MTCL3: variants seen among roughly 807,000 people sequenced by gnomAD.
MTCL3 encodes the protein microtubule cross-linking factor 3.
chr6:127,475,425 C>A, the MTCL3 span: 2 of 1,613,252 alleles, frequency 1.2e-6, no homozygotes, highest in Non-Finnish European at 1.7e-6. This position sits in a 1 kb window ranked among gnomAD's most constrained non-coding sequence, Gnocchi z 7.3. Flanking sequence ...GCAGCTCGTG[C>A]TCCCGGATGC....
At chr6:127,500,008 C>T in the MTCL3 span, among the ~76,000 whole-genome samples, 4 of 152,226 alleles carry the variant, frequency 2.6e-5, no homozygotes, top group East Asian at 5.8e-4. Flanking sequence ...CTTCATTTCT[C>T]GGGGTGGTGA....
At chr6:127,476,477 GGGGAAAAGA>G in the MTCL3 span, 1 of 1,550,600 alleles carries the variant, frequency 6.4e-7, no homozygotes, top group Non-Finnish European at 8.7e-7. This position sits in a 1 kb window ranked among gnomAD's most constrained non-coding sequence, Gnocchi z 4.4. Flanking sequence ...TCCTCATTTG[GGGGAAAAGA>G]GGGAAAAGGA....
the MTCL3 span, chr6:127,473,204 C>T: frequency 4.4e-6 from 6 of 1,362,942 alleles, no homozygotes; most frequent in Non-Finnish European, 5.7e-6. Flanking sequence ...AATTATACTT[C>T]TTTTACTTCT....
At chr6:127,505,044 G>A in the MTCL3 span, among the ~76,000 whole-genome samples, 1 of 152,208 alleles carries the variant, frequency 6.6e-6, no homozygotes, top group African/African-American at 2.4e-5. Context: ...AATAGATGAT[G>A]AATTCTTTTG....
chr6:127,512,388 G>T, the MTCL3 span, among the ~76,000 whole-genome samples: 1 of 152,136 alleles, frequency 6.6e-6, no homozygotes, highest in Non-Finnish European at 1.5e-5. Flanking sequence ...AGTCACTGGT[G>T]ATATTGCAAG....
At chr6:127,482,182 T>C in the MTCL3 span, among the ~76,000 whole-genome samples, 1 of 152,222 alleles carries the variant, frequency 6.6e-6, no homozygotes, top group East Asian at 1.9e-4. The surrounding 1 kb of genome is among the most constrained non-coding windows in gnomAD (Gnocchi z 4.1). Context: ...GCTTTCACTT[T>C]ACTCTATGGG....
the MTCL3 span, chr6:127,475,955 G>T: frequency 6.2e-7 from 1 of 1,611,978 alleles, no homozygotes. The surrounding 1 kb of genome is among the most constrained non-coding windows in gnomAD (Gnocchi z 7.3). Context: ...TCGTGGTGCC[G>T]CGCGCTGTCG....
the MTCL3 span, among the ~76,000 whole-genome samples, chr6:127,490,513 T>C: frequency 1.5e-4 from 23 of 151,396 alleles, no homozygotes; most frequent in African/African-American, 5.6e-4. Flanking sequence ...GCATTCTAGA[T>C]GCCATTAAGA....
At chr6:127,484,450 A>G in the MTCL3 span, among the ~76,000 whole-genome samples, 1 of 152,188 alleles carries the variant, frequency 6.6e-6, no homozygotes, top group African/African-American at 2.4e-5. Flanking sequence ...TTAGGAAGTA[A>G]TCAACAAAAC....
chr6:127,515,205 T>TG, the MTCL3 span, among the ~76,000 whole-genome samples: 1 of 152,080 alleles, frequency 6.6e-6, no homozygotes, highest in South Asian at 2.1e-4. This position sits in a 1 kb window ranked among gnomAD's most constrained non-coding sequence, Gnocchi z 4.3. Flanking sequence ...AAGAGGAAAC[T>TG]GGGGGAAAAA....
At chr6:127,499,141 C>G in the MTCL3 span, among the ~76,000 whole-genome samples, 1 of 152,042 alleles carries the variant, frequency 6.6e-6, no homozygotes, top group African/African-American at 2.4e-5. Flanking sequence ...AAAAGATCCC[C>G]CAAATATTTC....
At chr6:127,516,499 G>A in the MTCL3 span, 1 of 1,599,282 alleles carries the variant, frequency 6.3e-7, no homozygotes, top group African/African-American at 1.3e-5. Flanking sequence ...GGGTGACTGA[G>A]CTCGCTGCTG....
chr6:127,476,075 G>C, the MTCL3 span: 1 of 1,613,664 alleles, frequency 6.2e-7, no homozygotes, highest in African/African-American at 1.3e-5. This position sits in a 1 kb window ranked among gnomAD's most constrained non-coding sequence, Gnocchi z 4.4. Flanking sequence ...TCTTCCACCA[G>C]CTGCAGGTGC....
the MTCL3 span, among the ~76,000 whole-genome samples, chr6:127,484,300 A>T: frequency 6.6e-5 from 10 of 152,206 alleles, no homozygotes; most frequent in Non-Finnish European, 1.2e-4. Flanking sequence ...TCAGTATGAA[A>T]CTGAAACTAC....
the MTCL3 span, among the ~76,000 whole-genome samples, chr6:127,499,185 C>T: frequency 1.3e-5 from 2 of 152,064 alleles, no homozygotes; most frequent in Admixed American, 1.3e-4. Flanking sequence ...CAGAAGATAG[C>T]GTTAGAAAAT....
chr6:127,475,202 G>C, the MTCL3 span: 3 of 1,386,550 alleles, frequency 2.2e-6, no homozygotes, highest in East Asian at 4.7e-5. The surrounding 1 kb of genome is among the most constrained non-coding windows in gnomAD (Gnocchi z 7.3). Context: ...CAAGCGGGGC[G>C]CGGCAGTCCG....
At chr6:127,515,777 C>T in the MTCL3 span, 9 of 1,606,526 alleles carry the variant, frequency 5.6e-6, no homozygotes, top group Admixed American at 1.5e-4. The surrounding 1 kb of genome is among the most constrained non-coding windows in gnomAD (Gnocchi z 4.3). Flanking sequence ...CCGTTCTTAG[C>T]GTGCATCTGA....
chr6:127,515,554 T>C, the MTCL3 span: 1 of 1,468,754 alleles, frequency 6.8e-7, no homozygotes, highest in South Asian at 1.5e-5. This position sits in a 1 kb window ranked among gnomAD's most constrained non-coding sequence, Gnocchi z 4.3. Flanking sequence ...CTCCATCTCC[T>C]CTTGCATTTC....
At chr6:127,508,110 G>C in the MTCL3 span, among the ~76,000 whole-genome samples, 1 of 152,042 alleles carries the variant, frequency 6.6e-6, no homozygotes, top group East Asian at 1.9e-4. Flanking sequence ...AAAATGTTAA[G>C]TAAACTACCA....
Sources: allele counts gnomAD v4.1 joint callset (sites outside exome capture counted in the v4.1 genomes callset), GRCh38; gene constraint gnomAD v4.1.1; non-coding constraint Gnocchi (gnomAD v3.1); transcripts MANE v1.5; gene names NCBI Gene and HGNC (gene_info 2026-07-23, HGNC 2026-07-21).